The following SPON1 variants were observed in gnomAD, a reference collection of about 807,000 sequenced individuals.
SPON1 encodes spondin 1.
SPON1 carries 52 observed loss-of-function variants against 111.7 expected under a neutral mutation model. The ratio of observed to expected loss-of-function variants is 0.47; its 90% CI spans 0.37 to 0.59. The LOEUF (loss-of-function observed/expected upper bound fraction) is 0.59. Ranked by LOEUF, SPON1 falls within the 20% of genes least tolerant of loss-of-function variation. The probability of loss-of-function intolerance (pLI) is 0.00; values close to 1 mark genes in which losing one functional copy is unlikely to be tolerated. For synonymous variants in SPON1, 410 were observed against 395.8 expected (o/e 1.04, Z -0.43); for missense variants, 957 against 1,068.5 (o/e 0.90, Z 1.46).
chr11:14,250,377 T>C (rs1365818923), intron 7 of SPON1, among the ~76,000 whole-genome samples: 2 of 151,906 alleles, frequency 1.3e-5, no homozygotes, highest in African/African-American at 2.4e-5. Context: ...TTTTTTTTTT[T>C]TCTTGTGTGG....
chr11:14,201,058 T>A (rs994273988), intron 6 of SPON1, among the ~76,000 whole-genome samples: 1 of 151,904 alleles, frequency 6.6e-6, no homozygotes, highest in African/African-American at 2.4e-5. Context: ...TACCAACTCC[T>A]GGCCAGGTGC....
intron 15 of SPON1, 144 bp from the exon 16 acceptor site, chr11:14,265,380 G>A: frequency 3.2e-6 from 3 of 940,236 alleles, no homozygotes; most frequent in Non-Finnish European, 4.6e-6. Flanking sequence ...CGACCTAACT[G>A]TCCCTAATAA....
chr11:14,146,072 G>T (rs1847714222), intron 6 of SPON1, among the ~76,000 whole-genome samples: 1 of 151,594 alleles, frequency 6.6e-6, no homozygotes, highest in African/African-American at 2.4e-5. Flanking sequence ...GTAAGGGGCA[G>T]AACTGAAAGG....
intron 2 of SPON1, among the ~76,000 whole-genome samples, chr11:14,023,572 T>G (rs1283970013): frequency 1.3e-5 from 2 of 152,124 alleles, no homozygotes; most frequent in African/African-American, 2.4e-5. Context: ...TTTTCTCAGC[T>G]ATGGATTTGT....
At chr11:14,033,059 C>A (rs564612373) in intron 2 of SPON1, among the ~76,000 whole-genome samples, 2 of 152,346 alleles carry the variant, frequency 1.3e-5, no homozygotes, top group South Asian at 4.1e-4. Context: ...TCACATCCTC[C>A]ACAGAAGATG....
At chr11:14,219,807 T>G (rs1554937425) in intron 6 of SPON1, among the ~76,000 whole-genome samples, 1 of 152,168 alleles carries the variant, frequency 6.6e-6, no homozygotes, top group Non-Finnish European at 1.5e-5. Flanking sequence ...ATAAAAACCA[T>G]TCAGCTAAAT....
intron 6 of SPON1, among the ~76,000 whole-genome samples, chr11:14,223,363 C>CATAA (rs1169744033): frequency 6.6e-6 from 1 of 152,040 alleles, no homozygotes; most frequent in African/African-American, 2.4e-5. Flanking sequence ...GACCCTGTCT[C>CATAA]ATAAATAAAT....
chr11:14,080,417 T>C (rs1308620721), intron 5 of SPON1, among the ~76,000 whole-genome samples: 1 of 151,992 alleles, frequency 6.6e-6, no homozygotes, highest in Non-Finnish European at 1.5e-5. Context: ...TTAGTAGAGA[T>C]GGGGTTTTGC....
At chr11:14,080,158 T>C (rs113815936) in intron 5 of SPON1, 137 bp downstream of exon 5, 40 of 928,480 alleles carry the variant, frequency 4.3e-5, no homozygotes, top group East Asian at 3.7e-4. Context: ...AATCCAAGTA[T>C]GTATATTAAT....
At chr11:14,176,445 G>A (rs1437526425) in intron 6 of SPON1, among the ~76,000 whole-genome samples, 4 of 152,104 alleles carry the variant, frequency 2.6e-5, no homozygotes, top group Non-Finnish European at 5.9e-5. Flanking sequence ...CAGACACCCT[G>A]CAATGAGGCT....
chr11:14,065,663 A>G (rs955531421), intron 3 of SPON1, among the ~76,000 whole-genome samples: 2 of 152,246 alleles, frequency 1.3e-5, no homozygotes, highest in South Asian at 4.1e-4. Flanking sequence ...AAATGGAATG[A>G]CATTCATGCC....
chr11:14,163,844 C>T (rs111821545), intron 6 of SPON1, among the ~76,000 whole-genome samples: 5 of 151,912 alleles, frequency 3.3e-5, no homozygotes, highest in African/African-American at 1.2e-4. Flanking sequence ...AATTCCCTCC[C>T]CCGCTTTAGC....
At chr11:14,095,531 C>A (rs572192712) in intron 5 of SPON1, among the ~76,000 whole-genome samples, 1 of 152,120 alleles carries the variant, frequency 6.6e-6, no homozygotes, top group South Asian at 2.1e-4. Context: ...AAACCGGAGA[C>A]CCAGGAGACC....
At chr11:14,185,246 T>G (rs1848274337) in intron 6 of SPON1, among the ~76,000 whole-genome samples, 1 of 152,240 alleles carries the variant, frequency 6.6e-6, no homozygotes, top group Non-Finnish European at 1.5e-5. Context: ...TCATTTTCCC[T>G]TAAATATTAT....
At chr11:13,989,943 G>T (rs1009252450) in intron 2 of SPON1, among the ~76,000 whole-genome samples, 1 of 152,166 alleles carries the variant, frequency 6.6e-6, no homozygotes, top group African/African-American at 2.4e-5. Context: ...TTTTGCATTT[G>T]CTGAGGAGTG....
rs75733985 is a variant in SPON1, at chr11:14,236,164, G to A, written c.826-7168G>A. On this transcript the variant is annotated intron_variant, in intron 6 of 15. Transcript: ENST00000576479. ...AAGAGTCTGGAGGAAGGGAGGGGAGGTAGAGAGACCTGCTAGGAAGCAACT... is the reference window on the plus strand; with the variant it reads ...AAGAGTCTGGAGGAAGGGAGGGGAGATAGAGAGACCTGCTAGGAAGCAACT... Among the ~76,000 whole-genome samples, 668 of 152,220 alleles carry A rather than the reference G, an allele frequency of 4.4e-3. 20 individuals carry two copies. In the East Asian group the frequency reaches 0.078, roughly 18 times the overall value.
chr11:14,226,447 C>T (rs550150704), intron 6 of SPON1, among the ~76,000 whole-genome samples: 4 of 152,306 alleles, frequency 2.6e-5, no homozygotes, highest in South Asian at 4.1e-4. Flanking sequence ...GTTGTTTACC[C>T]TTGTGATCGA....
intron 2 of SPON1, among the ~76,000 whole-genome samples, chr11:14,036,975 T>C (rs1036243471): frequency 9.2e-5 from 14 of 152,058 alleles, no homozygotes; most frequent in African/African-American, 3.1e-4. Context: ...CAGAACTGGG[T>C]TGATGAATAA....
At position 14,226,412 on chromosome 11, in the gene SPON1, C is replaced by T. The variant is rs552371582; in HGVS notation, c.826-16920C>T. Among the ~76,000 whole-genome samples the T allele has an allele frequency of 1.9e-3, 293 of 152,260 alleles. 2 individuals carry two copies. Among genetic ancestry groups the T allele is most frequent in the African/African-American group, 6.8e-3 (281 of 41,542 alleles). ...AAATACAATATCCAAAAAATGCTGG[C>T]AACACAGTACACTGTACAGTATCGG... On this transcript the variant is annotated intron_variant, in intron 6 of 15. Coordinates refer to ENST00000576479, the MANE Select transcript of SPON1 (RefSeq NM_006108.4).
Sources: gnomAD v4.1 joint callset for allele counts (sites outside exome capture counted in the v4.1 genomes callset) on GRCh38, gnomAD v4.1.1 for gene constraint, MANE v1.5 for transcripts, NCBI Gene and HGNC (gene_info 2026-07-23, HGNC 2026-07-21) for gene names.